RBFOX1: variants seen among roughly 807,000 people sequenced by gnomAD.
RBFOX1 encodes the protein RNA binding fox-1 homolog 1, also known as RNA binding protein fox-1 homolog 1.
In RBFOX1, 8 loss-of-function variants were observed where a neutral mutation model predicts 57.7. The ratio of observed to expected loss-of-function variants is 0.14; its 90% CI spans 0.08 to 0.25. RBFOX1 has a LOEUF of 0.25. RBFOX1 is among the 10% of genes least tolerant of loss of function. The probability of loss-of-function intolerance (pLI) is 1.00; values close to 1 mark genes in which losing one functional copy is unlikely to be tolerated. For synonymous variants in RBFOX1, 326 were observed against 222.4 expected, an observed-to-expected ratio of 1.47 and a Z score of -4.15; for missense variants, 611 against 548.5, an observed-to-expected ratio of 1.11 and a Z score of -1.14.
At chr16:7,020,728 C>G (rs113953052) in intron 3 of RBFOX1, among the ~76,000 whole-genome samples, 1 of 152,084 alleles carries the variant, frequency 6.6e-6, no homozygotes, top group Non-Finnish European at 1.5e-5. Context: ...AGGGAAATGT[C>G]CTTCCCTCTG....
At chr16:5,913,460 C>T (rs1349844331) in intron 4 of RBFOX1, among the ~76,000 whole-genome samples, 1 of 152,162 alleles carries the variant, frequency 6.6e-6, no homozygotes. Context: ...TCAGAGCTGG[C>T]TGTTTAAAAG....
chr16:6,959,838 G>T (rs1326458628), intron 3 of RBFOX1, among the ~76,000 whole-genome samples: 7 of 152,192 alleles, frequency 4.6e-5, no homozygotes, highest in Middle Eastern at 3.2e-3. Flanking sequence ...TCGGGAGGCT[G>T]AGGCAGGAGA....
At chr16:6,697,680 C>G (rs951499154) in intron 3 of RBFOX1, among the ~76,000 whole-genome samples, 20 of 152,110 alleles carry the variant, frequency 1.3e-4, no homozygotes, top group Non-Finnish European at 2.1e-4. Context: ...GAAGAAAACC[C>G]CATGGCGAAC....
chr16:6,991,715 T>C (rs1320868376), intron 3 of RBFOX1, among the ~76,000 whole-genome samples: 1 of 152,092 alleles, frequency 6.6e-6, no homozygotes, highest in African/African-American at 2.4e-5. Context: ...TTTTGTAGTT[T>C]TGGTAGAGGT....
At chr16:7,232,049 A>G (rs1455851595) in intron 4 of RBFOX1, among the ~76,000 whole-genome samples, 2 of 151,894 alleles carry the variant, frequency 1.3e-5, no homozygotes, top group East Asian at 1.9e-4. Context: ...TTTTTGAGAC[A>G]GAGTCTCGGT....
At chr16:7,177,798 C>A (rs12921881) in intron 4 of RBFOX1, among the ~76,000 whole-genome samples, 39,758 of 152,030 alleles carry the variant, frequency 0.26, 5,456 homozygotes, top group Non-Finnish European at 0.31. Context: ...AGCACAAAAG[C>A]CCCTGTGGAC....
intron 4 of RBFOX1, among the ~76,000 whole-genome samples, chr16:7,517,153 G>GTGTC (rs1269199255): frequency 1.2e-4 from 17 of 145,112 alleles, no homozygotes; most frequent in African/African-American, 4.0e-4. Context: ...GTGTGTGTGT[G>GTGTC]TGTGTGTGTG....
At chr16:5,279,473 A>G (rs934024450) in intron 1 of RBFOX1, among the ~76,000 whole-genome samples, 3 of 151,884 alleles carry the variant, frequency 2.0e-5, no homozygotes, top group Non-Finnish European at 2.9e-5. Flanking sequence ...GCTTTACTGA[A>G]TTATACGTCC....
At chr16:6,543,566 G>A (rs553108599) in intron 2 of RBFOX1, among the ~76,000 whole-genome samples, 66 of 152,182 alleles carry the variant, frequency 4.3e-4, no homozygotes, top group African/African-American at 1.5e-3. Flanking sequence ...GCTCCAAGAA[G>A]GCCTTTACTG....
At chr16:5,483,605 A>G (rs1275512174) in intron 2 of RBFOX1, among the ~76,000 whole-genome samples, 2 of 152,060 alleles carry the variant, frequency 1.3e-5, no homozygotes, top group African/African-American at 4.8e-5. Flanking sequence ...TGAACTTGCT[A>G]CCTCTGGATA....
chr16:5,808,591 T>A (rs2055311847), intron 3 of RBFOX1, among the ~76,000 whole-genome samples: 1 of 152,202 alleles, frequency 6.6e-6, no homozygotes, highest in East Asian at 1.9e-4. Flanking sequence ...CTCTTTTATT[T>A]CATTGAGCAG....
At chr16:7,592,867 A>C (rs1306391063) in intron 7 of RBFOX1, among the ~76,000 whole-genome samples, 1 of 152,136 alleles carries the variant, frequency 6.6e-6, no homozygotes, top group Non-Finnish European at 1.5e-5. Context: ...GCTGGAGTAC[A>C]GGGGTACAAT....
At chr16:6,052,313 C>A (rs1229108210) in intron 1 of RBFOX1, among the ~76,000 whole-genome samples, 2 of 152,094 alleles carry the variant, frequency 1.3e-5, no homozygotes, top group African/African-American at 4.8e-5. Flanking sequence ...CCATTTTGCC[C>A]AAGGTCACGC....
Position 6,073,551 on chromosome 16 carries a change from T to C in RBFOX1, c.-127+53559T>C, listed in dbSNP as rs1358806812. 2.6e-5 allele frequency among the ~76,000 whole-genome samples: 4 copies of C among 152,208 alleles called. No individual in the cohort carries two copies. In the East Asian group the frequency reaches 7.7e-4, roughly 29 times the overall value. On this transcript the variant is annotated intron_variant, in intron 1 of 15. Transcript: ENST00000550418. ...GTAGCATGTTGAATTAGCTGAAGCA[T>C]TTCCCCCGTGTTTGCTTTAGAACGT... is the stretch of plus-strand genomic sequence containing the variant.
intron 4 of RBFOX1, among the ~76,000 whole-genome samples, chr16:7,460,294 C>A (rs1021719633): frequency 6.7e-6 from 1 of 149,546 alleles, no homozygotes; most frequent in Non-Finnish European, 1.5e-5. Flanking sequence ...TCTCCCTAGC[C>A]AGCCCACGTA....
At chr16:6,798,004 GGATGATGATGAT>G (rs368627689) in intron 3 of RBFOX1, among the ~76,000 whole-genome samples, 1 of 151,782 alleles carries the variant, frequency 6.6e-6, no homozygotes, top group Admixed American at 6.6e-5. Flanking sequence ...ATGGGAATAG[GGATGATGATGAT>G]GATGATGGTG....
chr16:6,924,361 C>G (rs116996128), intron 3 of RBFOX1, among the ~76,000 whole-genome samples: 10 of 151,796 alleles, frequency 6.6e-5, no homozygotes, highest in African/African-American at 2.4e-4. Flanking sequence ...AAGAGGAACA[C>G]GCAAGAGAGA....
chr16:7,173,419 C>G (rs946570675), intron 4 of RBFOX1, among the ~76,000 whole-genome samples: 19 of 152,140 alleles, frequency 1.2e-4, no homozygotes, highest in African/African-American at 3.9e-4. Context: ...ACGTATATAT[C>G]TGTGCATTCA....
intron 3 of RBFOX1, among the ~76,000 whole-genome samples, chr16:5,739,664 G>A (rs56679184): frequency 0.13 from 19,653 of 152,250 alleles, 1,376 homozygotes; most frequent in African/African-American, 0.15. Flanking sequence ...GGCATTTTCT[G>A]TGCACCCTAA....
Sources: gnomAD v4.1 joint callset for allele counts (sites outside exome capture counted in the v4.1 genomes callset) on GRCh38, gnomAD v4.1.1 for gene constraint, MANE v1.5 for transcripts, NCBI Gene and HGNC (gene_info 2026-07-23, HGNC 2026-07-21) for gene names.